MAD1L1: variants seen among roughly 807,000 people sequenced by gnomAD.
MAD1L1 encodes the protein mitotic arrest deficient 1 like 1, also known as mitotic spindle assembly checkpoint protein MAD1.
Under a neutral mutation model 96.9 loss-of-function variants are expected in MAD1L1, and 95 were observed. The ratio of observed to expected loss-of-function variants is 0.98; its 90% confidence interval spans 0.83 to 1.16. MAD1L1 has a LOEUF of 1.16. Among genes scored for constraint, MAD1L1 ranks in the 50% most tolerant of loss-of-function variants. The probability of loss-of-function intolerance (pLI) is 0.00; values close to 1 mark genes in which losing one functional copy is unlikely to be tolerated. For missense variants in MAD1L1, 1,007 were observed against 954.4 expected, an observed-to-expected ratio of 1.06 and a Z score of -0.73; for synonymous variants, 473 against 396.6, an observed-to-expected ratio of 1.19 and a Z score of -2.29.
chr7:2,224,823 G>A (rs1367827647), intron 4 of MAD1L1, among the ~76,000 whole-genome samples: 2 of 152,084 alleles, frequency 1.3e-5, no homozygotes. Context: ...TGCTGCCCTG[G>A]GGAGCCAGGA....
chr7:2,111,481 A>G (rs1420689874), intron 11 of MAD1L1, among the ~76,000 whole-genome samples: 2 of 152,332 alleles, frequency 1.3e-5, no homozygotes, highest in Middle Eastern at 3.4e-3. Flanking sequence ...ATGAAAAAGG[A>G]GGAAGGGAGG....
chr7:2,068,571 G>A (rs552652382), intron 12 of MAD1L1, among the ~76,000 whole-genome samples: 47 of 152,314 alleles, frequency 3.1e-4, no homozygotes, highest in South Asian at 8.3e-4. Flanking sequence ...CTGGACACCC[G>A]CCCTGGCCCA....
intron 18 of MAD1L1, among the ~76,000 whole-genome samples, chr7:1,823,203 C>T (rs1414815912): frequency 6.6e-6 from 1 of 152,062 alleles, no homozygotes; most frequent in African/African-American, 2.4e-5. Context: ...AGGAGCTGGA[C>T]ACACTTAGTT....
At chr7:2,195,112 T>C (rs1791920230) in intron 10 of MAD1L1, among the ~76,000 whole-genome samples, 1 of 151,244 alleles carries the variant, frequency 6.6e-6, no homozygotes, top group African/African-American at 2.4e-5. Context: ...AGTATTTGAA[T>C]CTAAAGCTCA....
chr7:1,898,394 C>T lies in MAD1L1; in HGVS notation c.1808-4G>A, dbSNP rs140262164. Reference sequence around the variant, plus strand: ...CTCTCCACCTGCTTCTTCAGCTCTGCGGGAGGGACGGAAGGAGACAGTGAG... The same window carrying T: ...CTCTCCACCTGCTTCTTCAGCTCTGTGGGAGGGACGGAAGGAGACAGTGAG... On this transcript the variant is annotated splice_region_variant and splice_polypyrimidine_tract_variant and intron_variant, in intron 17 of 18. Transcript: ENST00000265854. 537 of 1,613,042 alleles carry T rather than the reference C, an allele frequency of 3.3e-4. 2 individuals are homozygous for T. In the Middle Eastern group the frequency reaches 6.6e-3, roughly 20 times the overall value.
intron 10 of MAD1L1, among the ~76,000 whole-genome samples, chr7:2,173,557 G>C (rs948579914): frequency 2.0e-5 from 3 of 152,142 alleles, no homozygotes; most frequent in Non-Finnish European, 2.9e-5. Flanking sequence ...ATCTCCTCTG[G>C]AGATGTCCAT....
At chr7:2,068,715 T>C (rs1161856504) in intron 12 of MAD1L1, among the ~76,000 whole-genome samples, 2 of 152,174 alleles carry the variant, frequency 1.3e-5, no homozygotes, top group Non-Finnish European at 2.9e-5. Context: ...GTGCCAGGCA[T>C]CAGAACCCCC....
Position 1,898,337 on chromosome 7 carries a change from C to A in MAD1L1, c.1861G>T (p.Val621Phe). 2 of 1,614,066 alleles carry A rather than the reference C, an allele frequency of 1.2e-6. No individual in the cohort carries two copies. Among genetic ancestry groups the A allele is most frequent in the Non-Finnish European group, 1.7e-6 (2 of 1,180,010 alleles). Reference sequence around the variant, plus strand: ...AACTCCTGGATCTTGGTCTGGAAAACCTCCTTGAGCCGCTGGTTCTTCAGC... The same window carrying A: ...AACTCCTGGATCTTGGTCTGGAAAAACTCCTTGAGCCGCTGGTTCTTCAGC... ...AELKNQRLKE[V>F]FQTKIQEFRK... is the part of the protein sequence containing the mutation. The change falls in exon 18 of 19, where the codon GTT (valine) becomes TTT (phenylalanine). Residue 621 changes from valine (V) to phenylalanine (F), a missense_variant. Coordinates refer to ENST00000265854, the MANE Select transcript of MAD1L1 (RefSeq NM_001013836.2).
intron 11 of MAD1L1, among the ~76,000 whole-genome samples, chr7:2,075,003 G>A (rs1021575240): frequency 2.6e-5 from 4 of 152,208 alleles, no homozygotes; most frequent in Non-Finnish European, 5.9e-5. Context: ...ACAAGAGGAC[G>A]AGCAAACCAG....
intron 12 of MAD1L1, among the ~76,000 whole-genome samples, chr7:2,025,221 T>A (rs1316963028): frequency 1.3e-5 from 2 of 152,212 alleles, no homozygotes; most frequent in African/African-American, 4.8e-5. Flanking sequence ...TAAAAAATTA[T>A]AGATCTAGAG....
intron 17 of MAD1L1, 63 bp downstream of exon 17, chr7:1,936,624 G>T: frequency 6.7e-7 from 1 of 1,481,772 alleles, no homozygotes; most frequent in Non-Finnish European, 9.1e-7. Flanking sequence ...CCCCAAAGGC[G>T]CACGGATGGA....
chr7:1,985,367 G>A (rs1195426400), intron 14 of MAD1L1, among the ~76,000 whole-genome samples: 1 of 152,232 alleles, frequency 6.6e-6, no homozygotes, highest in African/African-American at 2.4e-5. Flanking sequence ...CTGCAGAGCG[G>A]ACTGGGCACA....
intron 15 of MAD1L1, among the ~76,000 whole-genome samples, chr7:1,976,446 T>G (rs1431423661): frequency 6.6e-6 from 1 of 152,200 alleles, no homozygotes; most frequent in Admixed American, 6.5e-5. Flanking sequence ...GAGTTGTTCG[T>G]TCCTCCCAGT....
intron 12 of MAD1L1, among the ~76,000 whole-genome samples, chr7:2,016,948 C>T (rs1782570249): frequency 6.6e-6 from 1 of 152,268 alleles, no homozygotes; most frequent in African/African-American, 2.4e-5. Context: ...GGACGCCGCG[C>T]AAGGCCGGGG....
intron 17 of MAD1L1, among the ~76,000 whole-genome samples, chr7:1,913,985 G>A (rs1051339297): frequency 7.3e-5 from 11 of 151,480 alleles, no homozygotes; most frequent in African/African-American, 2.4e-4. Flanking sequence ...GGGGGGGAGA[G>A]GGTAGACAAG....
At chr7:1,868,145 GC>G (rs1304160974) in intron 18 of MAD1L1, among the ~76,000 whole-genome samples, 1 of 152,152 alleles carries the variant, frequency 6.6e-6, no homozygotes, top group Non-Finnish European at 1.5e-5. Context: ...GTGCACTGTG[GC>G]CCCCCAGACA....
At chr7:1,875,996 C>T (rs1162930705) in intron 18 of MAD1L1, among the ~76,000 whole-genome samples, 1 of 152,222 alleles carries the variant, frequency 6.6e-6, no homozygotes, top group East Asian at 1.9e-4. Flanking sequence ...TCCCCAGGGG[C>T]CAACTCCGGT....
intron 4 of MAD1L1, chr7:2,223,611 G>A (rs1639920): frequency 0.028 from 4,321 of 152,406 alleles, 91 homozygotes; most frequent in East Asian, 0.054. Context: ...AGAGGTGGCC[G>A]CCTTCTGAGA....
intron 11 of MAD1L1, among the ~76,000 whole-genome samples, chr7:2,110,754 G>A (rs921749180): frequency 2.6e-5 from 4 of 152,142 alleles, no homozygotes; most frequent in African/African-American, 9.7e-5. Flanking sequence ...CTTCTATACC[G>A]ATACTCACCG....
Sources: gnomAD v4.1 joint callset for allele counts (sites outside exome capture counted in the v4.1 genomes callset) on GRCh38, gnomAD v4.1.1 for gene constraint, MANE v1.5 for transcripts, NCBI Gene and HGNC (gene_info 2026-07-23, HGNC 2026-07-21) for gene names.